HOMER3: variants seen among roughly 807,000 people sequenced by gnomAD.
HOMER3 encodes the protein homer protein homolog 3.
In HOMER3, 34 loss-of-function variants were observed where a neutral mutation model predicts 45.5. The ratio of observed to expected loss-of-function variants is 0.75; its 90% CI spans 0.57 to 1.00. The LOEUF (loss-of-function observed/expected upper bound fraction) is 1.00. HOMER3 is among the 50% of genes least tolerant of loss of function. The probability of loss-of-function intolerance (pLI) is 0.00; values close to 1 mark genes in which losing one functional copy is unlikely to be tolerated. For missense variants in HOMER3, 480 were observed against 497.5 expected, an observed-to-expected ratio of 0.96 and a Z score of 0.33; for synonymous variants, 223 against 208.8, an observed-to-expected ratio of 1.07 and a Z score of -0.58.
intron 4 of HOMER3, among the ~76,000 whole-genome samples, chr19:18,934,719 T>C (rs556270540): frequency 2.0e-5 from 3 of 152,204 alleles, no homozygotes; most frequent in Admixed American, 2.0e-4. Flanking sequence ...CTCGGCTCAC[T>C]GCAGCCTTGA....
chr19:18,932,298 G>GT (rs1417186428), intron 6 of HOMER3, among the ~76,000 whole-genome samples, 166 bp from the exon 7 acceptor site: 1 of 147,044 alleles, frequency 6.8e-6, no homozygotes, highest in African/African-American at 2.5e-5. Context: ...AGGGGGCGGG[G>GT]CAGGGGTGGA....
chr19:18,938,910 G>A (rs777009637), intron 2 of HOMER3, 26 bp from the exon 3 acceptor site: 1 of 1,606,210 alleles, frequency 6.2e-7, no homozygotes, highest in South Asian at 1.1e-5. Flanking sequence ...GTGTTTGGTG[G>A]GGGCCAGGCA....
At chr19:18,931,745 G>C in intron 7 of HOMER3, 120 bp from the exon 8 acceptor site, 2 of 1,494,240 alleles carry the variant, frequency 1.3e-6, no homozygotes, top group Non-Finnish European at 1.8e-6. Context: ...ATCTCCCTTG[G>C]TTGGTGCCAC....
chr19:18,931,897 C>T (rs1006342460), intron 7 of HOMER3, 79 bp downstream of exon 7: 54 of 1,444,692 alleles, frequency 3.7e-5, no homozygotes, highest in Non-Finnish European at 4.9e-5. Flanking sequence ...GAACCCAGGG[C>T]AGATGGGAAC....
At chr19:18,940,592 G>A (rs1269535998) in intron 1 of HOMER3, 1 of 152,268 alleles carries the variant, frequency 6.6e-6, no homozygotes, top group African/African-American at 2.4e-5. Flanking sequence ...CCAGAACTTC[G>A]GGGGACACCT....
At chr19:18,935,137 T>TC (rs2057078508) in intron 4 of HOMER3, among the ~76,000 whole-genome samples, 1 of 124,572 alleles carries the variant, frequency 8.0e-6, no homozygotes, top group East Asian at 2.0e-4. Flanking sequence ...ACCCAGCCTT[T>TC]TTTTTTTTTT....
intron 1 of HOMER3, 64 bp from the exon 2 acceptor site, chr19:18,939,113 C>T (rs2057127610): frequency 1.1e-6 from 1 of 877,904 alleles, no homozygotes; most frequent in Admixed American, 3.0e-5. Context: ...AAGCAGGTTC[C>T]ATCTCAGGAC....
Position 18,929,243 on chromosome 19 carries a change from CAAT to C in HOMER3, c.*197_*199del, listed in dbSNP as rs1420263562. On this transcript the variant is annotated 3_prime_UTR_variant, in exon 10 of 10. Transcript: ENST00000392351. ...AATCGGGGGATCTAGAAATTCTACACAATGAGAAGCTCAAAAACAGCCCCAAAG... is the reference window on the plus strand; with the variant it reads ...AATCGGGGGATCTAGAAATTCTACACGAGAAGCTCAAAAACAGCCCCAAAG... The C allele has an allele frequency of 2.6e-6, 2 of 766,446 alleles. No individual in the cohort carries two copies. The highest frequency in any genetic ancestry group is 3.4e-5 in the African/African-American group (2 of 59,172). The allele number at this position is 766,446 out of a possible 1,614,324, so 47.5% of individuals were successfully genotyped here.
At chr19:18,933,422 G>C (rs1337634667) in intron 5 of HOMER3, among the ~76,000 whole-genome samples, 3 of 152,214 alleles carry the variant, frequency 2.0e-5, no homozygotes, top group African/African-American at 7.2e-5. Context: ...GATTTCAGCA[G>C]GAAGCCCTGC....
At chr19:18,939,213 G>A (rs1243695312) in intron 1 of HOMER3, 164 bp from the exon 2 acceptor site, 1 of 513,872 alleles carries the variant, frequency 1.9e-6, no homozygotes, top group African/African-American at 1.9e-5. Flanking sequence ...GCTGAGTCAG[G>A]AGGATCCTTT....
intron 1 of HOMER3, 175 bp downstream of exon 1, chr19:18,940,876 C>T (rs2057148882): frequency 6.6e-6 from 1 of 152,240 alleles, no homozygotes; most frequent in Non-Finnish European, 1.5e-5. Context: ...CCTCTCAGAC[C>T]CTGAATCCAG....
At chr19:18,932,878 C>CCCCCCCAA in intron 6 of HOMER3, 46 bp downstream of exon 6, 12 of 772,988 alleles carry the variant, frequency 1.6e-5, no homozygotes, top group East Asian at 3.4e-5. Context: ...CCTCGTCCCC[C>CCCCCCCAA]ACCCCTACCC....
At chr19:18,931,667 C>G in intron 7 of HOMER3, 42 bp from the exon 8 acceptor site, 1 of 1,545,092 alleles carries the variant, frequency 6.5e-7, no homozygotes, top group Non-Finnish European at 8.7e-7. Flanking sequence ...CCCGCCTGCA[C>G]TCTCCCTTGC....
At chr19:18,932,899 C>CCCCCACAA in intron 6 of HOMER3, 25 bp downstream of exon 6, 1 of 1,301,308 alleles carries the variant, frequency 7.7e-7, no homozygotes, top group Non-Finnish European at 1.0e-6. Context: ...CCGCCCCTGC[C>CCCCCACAA]ACGCCCCCAA....
At chr19:18,933,086 C>T in intron 5 of HOMER3, 41 bp from the exon 6 acceptor site, 1 of 1,454,262 alleles carries the variant, frequency 6.9e-7, no homozygotes, top group Non-Finnish European at 9.1e-7. Flanking sequence ...CCCACATCAG[C>T]TGGGATCAAG....
Position 18,938,964 on chromosome 19 carries a change from C to T in HOMER3, c.14+5G>A, listed in dbSNP as rs2057125928. The T allele has an allele frequency of 6.2e-7, 1 of 1,600,030 alleles. No individual in the cohort carries two copies. On this transcript the variant is annotated splice_donor_5th_base_variant and intron_variant, in intron 2 of 9. Coordinates refer to ENST00000392351, the MANE Select transcript of HOMER3 (RefSeq NM_004838.4). ...AGGGCCAGGCTGGGGGAGGTGGGAGCTCACCTGGCTGTGGACATTGGTCAG... is the reference window on the plus strand; with the variant it reads ...AGGGCCAGGCTGGGGGAGGTGGGAGTTCACCTGGCTGTGGACATTGGTCAG...
At chr19:18,937,672 CAAAAAAA>C (rs398034178) in intron 4 of HOMER3, among the ~76,000 whole-genome samples, 8 of 64,282 alleles carry the variant, frequency 1.2e-4, no homozygotes, top group African/African-American at 3.7e-4. Context: ...GCATTATCTC[CAAAAAAA>C]AAAAAAAAAA....
chr19:18,932,901 C>T (rs2057052987), intron 6 of HOMER3, 23 bp downstream of exon 6: 3 of 1,304,896 alleles, frequency 2.3e-6, no homozygotes, highest in African/African-American at 1.5e-5. Flanking sequence ...GCCCCTGCCA[C>T]GCCCCCAAGT....
intron 9 of HOMER3, among the ~76,000 whole-genome samples, chr19:18,930,043 A>G (rs574959091): frequency 3.3e-5 from 5 of 152,084 alleles, no homozygotes; most frequent in African/African-American, 7.2e-5. Context: ...TGAGGTCAGG[A>G]GTTCAAGACC....
Sources: allele counts gnomAD v4.1 joint callset (sites outside exome capture counted in the v4.1 genomes callset), GRCh38; gene constraint gnomAD v4.1.1; transcripts MANE v1.5; gene names NCBI Gene and HGNC (gene_info 2026-07-23, HGNC 2026-07-21).